Variants in COL13A1 observed in about 807,000 individuals in gnomAD.
COL13A1 encodes collagen type XIII alpha 1 chain, also known as collagen alpha-1(XIII) chain.
Under a neutral mutation model 130.9 loss-of-function variants are expected in COL13A1, and 89 were observed. The observed-to-expected ratio is 0.68, with a 90% CI of 0.57 to 0.81. The LOEUF is 0.81. Ranked by LOEUF, COL13A1 falls within the 30% of genes least tolerant of loss-of-function variation. The pLI, the probability that COL13A1 is intolerant of heterozygous loss-of-function variation, is 0.00. For synonymous variants in COL13A1, 402 were observed against 341.6 expected (o/e 1.18, Z -1.95); for missense variants, 879 against 934.6 (o/e 0.94, Z 0.78).
chr10:69,897,927 C>T (rs1256518372), intron 13 of COL13A1, among the ~76,000 whole-genome samples: 6 of 152,190 alleles, frequency 3.9e-5, no homozygotes, highest in African/African-American at 9.7e-5. Flanking sequence ...ATGAAAATCA[C>T]ATTAGATAAT....
chr10:69,857,053 C>A (rs1159087543), intron 2 of COL13A1, among the ~76,000 whole-genome samples: 1 of 152,190 alleles, frequency 6.6e-6, no homozygotes, highest in Non-Finnish European at 1.5e-5. Context: ...CCCTCTGACC[C>A]GTGCTGGAGG....
intron 17 of COL13A1, among the ~76,000 whole-genome samples, chr10:69,909,139 C>G (rs2063095472): frequency 6.6e-6 from 1 of 152,152 alleles, no homozygotes; most frequent in African/African-American, 2.4e-5. Context: ...GAGCCTTGAT[C>G]CCTGGCCTTG....
chr10:69,919,701 G>A lies in COL13A1; in HGVS notation c.1063G>A (p.Gly355Ser). ...AGCAGAAGGGAAGCCGGGGCCCCCA[G>A]GTTTGCTGGGAAAGAGGGGGCAGAG... Reference protein sequence around the residue: ...PGAEGKPGPPGLLGKRGQRGE... With the variant: ...PGAEGKPGPPSLLGKRGQRGE... Residue 355 changes from glycine to serine, a missense_variant, in exon 21 of 41, where the codon GGT becomes AGT. Gly to Ser is a moderately conservative substitution (Grantham distance 56, BLOSUM62 0). Around this residue, in one of 3 missense-constraint regions of COL13A1, gnomAD observed 715 missense variants for 721.0 expected, o/e 0.99. Coordinates refer to ENST00000645393, the MANE Select transcript of COL13A1 (RefSeq NM_001368882.1). 2.5e-6 allele frequency: 1 copy of A among 398,834 alleles called. No individual in the cohort carries two copies. The highest frequency in any genetic ancestry group is 4.4e-6 in the Non-Finnish European group (1 of 226,260). The allele number at this position is 398,834 out of a possible 1,614,324, so 24.7% of individuals were successfully genotyped here.
intron 1 of COL13A1, among the ~76,000 whole-genome samples, chr10:69,822,104 A>T: frequency 6.6e-6 from 1 of 152,318 alleles, no homozygotes; most frequent in Non-Finnish European, 1.5e-5. Context: ...CAACTGGTTT[A>T]TAGGATCCTG....
chr10:69,929,867 C>A (rs1312122868), intron 28 of COL13A1, among the ~76,000 whole-genome samples, 176 bp from the exon 29 acceptor site: 1 of 152,214 alleles, frequency 6.6e-6, no homozygotes, highest in Non-Finnish European at 1.5e-5. Flanking sequence ...GCTTTGGAGT[C>A]CTGTCTGTAG....
intron 17 of COL13A1, among the ~76,000 whole-genome samples, chr10:69,908,863 G>C (rs1203023570): frequency 6.6e-6 from 1 of 152,078 alleles, no homozygotes; most frequent in East Asian, 1.9e-4. Context: ...ACTAGAAGTA[G>C]AGCAAGTGCC....
At chr10:69,814,273 C>T (rs894088473) in intron 1 of COL13A1, among the ~76,000 whole-genome samples, 4 of 152,220 alleles carry the variant, frequency 2.6e-5, no homozygotes, top group Non-Finnish European at 5.9e-5. Context: ...GCAGGTCAGA[C>T]CCTCCTCACT....
intron 2 of COL13A1, among the ~76,000 whole-genome samples, chr10:69,853,321 C>A (rs1392606978): frequency 6.6e-6 from 1 of 151,816 alleles, no homozygotes; most frequent in South Asian, 2.1e-4. Context: ...GAGAGAGCTT[C>A]GCACAAGGAG....
chr10:69,946,870 C>T (rs1437617328), intron 37 of COL13A1, among the ~76,000 whole-genome samples: 1 of 152,138 alleles, frequency 6.6e-6, no homozygotes, highest in African/African-American at 2.4e-5. Flanking sequence ...TCACTGCAAC[C>T]TCAGCCTCCC....
Position 69,802,093 on chromosome 10 carries a change from C to A in COL13A1, c.-331C>A, listed in dbSNP as rs2131967980. 4.0e-6 allele frequency: 1 copy of A among 247,656 alleles called. No individual in the cohort carries two copies. Among genetic ancestry groups the A allele is most frequent in the Non-Finnish European group, 7.6e-6 (1 of 131,826 alleles). 15.3% of individuals were successfully genotyped at this position (247,656 alleles called of 1,614,324 possible). A position where few individuals can be genotyped will look rare whatever the true frequency, so the allele number is the denominator to read the frequency against. Reference sequence around the variant, plus strand: ...GCCCAGAAGGACTGACAGCGCGGCACCAACTGCTCTGCAGACACTTGAAGG... The same window carrying A: ...GCCCAGAAGGACTGACAGCGCGGCAACAACTGCTCTGCAGACACTTGAAGG... On this transcript the variant is annotated 5_prime_UTR_variant, in exon 1 of 41. Transcript: ENST00000645393.
At chr10:69,952,307 G>C (rs1242335286) in intron 38 of COL13A1, among the ~76,000 whole-genome samples, 1 of 152,076 alleles carries the variant, frequency 6.6e-6, no homozygotes, top group Non-Finnish European at 1.5e-5. Flanking sequence ...ACTCAAACGT[G>C]GGCACACACA....
At chr10:69,947,216 T>G in intron 37 of COL13A1, 91 bp from the exon 38 acceptor site, 2 of 1,115,618 alleles carry the variant, frequency 1.8e-6, no homozygotes, top group Non-Finnish European at 2.7e-6. Context: ...GAGTGAGGCA[T>G]TGGGAGAGTT....
At chr10:69,942,999 C>G (rs568033691) in intron 35 of COL13A1, among the ~76,000 whole-genome samples, 1 of 152,366 alleles carries the variant, frequency 6.6e-6, no homozygotes, top group East Asian at 1.9e-4. Flanking sequence ...AGGCACCCAC[C>G]ACCATGCCGG....
chr10:69,903,414 A>G (rs924007728), intron 15 of COL13A1, among the ~76,000 whole-genome samples: 1 of 152,244 alleles, frequency 6.6e-6, no homozygotes, highest in Non-Finnish European at 1.5e-5. Flanking sequence ...AGAGAGGCCA[A>G]CTGGCACCTC....
At chr10:69,804,809 C>CAAAAAAAAAAAAAAAAAAAAAAAAAA in intron 1 of COL13A1, among the ~76,000 whole-genome samples, 1 of 75,392 alleles carries the variant, frequency 1.3e-5, no homozygotes, top group Non-Finnish European at 2.4e-5. Context: ...ATGTCGTGTG[C>CAAAAAAAAAAAAAAAAAAAAAAAAAA]AAAAAAAAAA....
At chr10:69,866,873 A>C (rs2058571466) in intron 2 of COL13A1, among the ~76,000 whole-genome samples, 1 of 152,122 alleles carries the variant, frequency 6.6e-6, no homozygotes, top group African/African-American at 2.4e-5. Context: ...AAGCAACAGG[A>C]GTCGCAGCTG....
intron 17 of COL13A1, 101 bp from the exon 18 acceptor site, chr10:69,917,188 G>C (rs2064024536): frequency 6.9e-7 from 1 of 1,452,772 alleles, no homozygotes; most frequent in South Asian, 1.3e-5. Context: ...GAACCGGACA[G>C]CCATCCCAGC....
intron 6 of COL13A1, among the ~76,000 whole-genome samples, chr10:69,878,943 G>A (rs191329274): frequency 7.9e-5 from 12 of 152,398 alleles, no homozygotes; most frequent in Admixed American, 7.2e-4. Context: ...CTGTAATGCA[G>A]TATTTCTGCA....
chr10:69,812,556 G>A (rs529042110), intron 1 of COL13A1, among the ~76,000 whole-genome samples: 1 of 152,312 alleles, frequency 6.6e-6, no homozygotes, highest in East Asian at 1.9e-4. Context: ...CAAGGTGTGG[G>A]CTCTGAGCCA....
Sources: gnomAD v4.1 joint callset for allele counts (sites outside exome capture counted in the v4.1 genomes callset) on GRCh38, gnomAD v4.1.1 for gene constraint, gnomAD v4.1.1 regional missense constraint, MANE v1.5 for transcripts, NCBI Gene and HGNC (gene_info 2026-07-23, HGNC 2026-07-21) for gene names.